The following GPHN variants were observed in gnomAD, a reference collection of about 807,000 sequenced individuals.
The protein encoded by GPHN is gephyrin.
In GPHN, 17 loss-of-function variants were observed where a neutral mutation model predicts 95.5. The observed-to-expected ratio is 0.18, with a 90% CI of 0.12 to 0.27. The LOEUF (loss-of-function observed/expected upper bound fraction) is 0.27. Ranked by LOEUF, GPHN falls within the 10% of genes least tolerant of loss-of-function variation. The pLI is 1.00. For missense variants in GPHN, 660 were observed against 978.1 expected (o/e 0.67, Z 4.34); for synonymous variants, 320 against 322.5 (o/e 0.99, Z 0.08).
intron 8 of GPHN, among the ~76,000 whole-genome samples, chr14:66,952,763 C>T (rs763174194): frequency 7.9e-5 from 12 of 152,102 alleles, no homozygotes; most frequent in South Asian, 2.1e-4. Flanking sequence ...GGCCCAATCT[C>T]GGCTCACTGC....
At chr14:66,912,641 T>C (rs180809663) in intron 5 of GPHN, among the ~76,000 whole-genome samples, 160 of 152,224 alleles carry the variant, frequency 1.1e-3, no homozygotes, top group Non-Finnish European at 1.0e-3. Flanking sequence ...GAAATAGTGC[T>C]TGGTAATATT....
At chr14:67,092,399 C>A (rs2077183715) in intron 12 of GPHN, among the ~76,000 whole-genome samples, 1 of 152,044 alleles carries the variant, frequency 6.6e-6, no homozygotes, top group African/African-American at 2.4e-5. Context: ...GTTCCTTTCT[C>A]CCTGCTCCCT....
chr14:67,696,753 T>TG, the GPHN span, among the ~76,000 whole-genome samples: 1 of 152,204 alleles, frequency 6.6e-6, no homozygotes, highest in South Asian at 2.1e-4. Context: ...GCCTATTTCC[T>TG]GGGGGTGAAA....
chr14:66,585,906 T>C (rs369333215), intron 1 of GPHN, among the ~76,000 whole-genome samples: 5 of 152,106 alleles, frequency 3.3e-5, no homozygotes, highest in Admixed American at 6.6e-5. Context: ...CTATTAGGTC[T>C]GCTTGGTGCA....
intron 1 of GPHN, among the ~76,000 whole-genome samples, chr14:66,515,440 C>T (rs989546692): frequency 3.7e-4 from 57 of 152,058 alleles, no homozygotes; most frequent in African/African-American, 1.2e-3. Flanking sequence ...ATATTTATAA[C>T]GATGTGTGTT....
At chr14:67,188,490 C>T in the GPHN span, among the ~76,000 whole-genome samples, 1 of 152,032 alleles carries the variant, frequency 6.6e-6, no homozygotes, top group African/African-American at 2.4e-5. Flanking sequence ...ATTTTCTGGC[C>T]CTTGGGCAGG....
intron 3 of GPHN, among the ~76,000 whole-genome samples, chr14:66,790,850 C>T (rs1369191691): frequency 6.6e-6 from 1 of 152,190 alleles, no homozygotes; most frequent in Non-Finnish European, 1.5e-5. Flanking sequence ...GAAGTTTCCC[C>T]CTTTGGGGAG....
At chr14:66,719,426 G>T (rs1330189238) in intron 2 of GPHN, among the ~76,000 whole-genome samples, 1 of 152,184 alleles carries the variant, frequency 6.6e-6, no homozygotes, top group Non-Finnish European at 1.5e-5. Flanking sequence ...GAGGATGTGT[G>T]TTCGGGGGCT....
the GPHN span, chr14:67,204,605 T>C: frequency 1.2e-6 from 2 of 1,613,762 alleles, no homozygotes; most frequent in Admixed American, 3.3e-5. Context: ...AAAGTAAAGC[T>C]GGTGAGTGGT....
intron 9 of GPHN, among the ~76,000 whole-genome samples, chr14:66,989,937 A>G (rs1008428464): frequency 3.3e-5 from 5 of 152,184 alleles, no homozygotes; most frequent in African/African-American, 1.2e-4. Flanking sequence ...AATTTATTGT[A>G]GGTGTACACA....
chr14:67,439,623 C>G, the GPHN span, among the ~76,000 whole-genome samples: 9 of 129,888 alleles, frequency 6.9e-5, no homozygotes, highest in Non-Finnish European at 3.0e-5. Context: ...GAATTACTCA[C>G]AAAAGTTTCA....
the GPHN span, chr14:67,729,321 G>T: frequency 2.5e-6 from 4 of 1,600,088 alleles, no homozygotes; most frequent in Non-Finnish European, 3.4e-6. Context: ...AGGGGGCGCA[G>T]ACCAGCCTGC....
chr14:67,660,141 A>G, the GPHN span: 1 of 475,372 alleles, frequency 2.1e-6, no homozygotes, highest in Non-Finnish European at 3.7e-6. Context: ...GAGTATATGA[A>G]CTGAATGAAT....
At chr14:66,571,165 A>C (rs1302328232) in intron 1 of GPHN, among the ~76,000 whole-genome samples, 1 of 152,174 alleles carries the variant, frequency 6.6e-6, no homozygotes, top group Non-Finnish European at 1.5e-5. Context: ...TCATGGCAGA[A>C]GGTAAAGGGG....
chr14:67,065,665 T>A (rs1323958484), intron 11 of GPHN, among the ~76,000 whole-genome samples: 1 of 152,098 alleles, frequency 6.6e-6, no homozygotes, highest in Non-Finnish European at 1.5e-5. Flanking sequence ...GCTGCATTGA[T>A]CCCTTTACCA....
At chr14:67,199,201 A>C in the GPHN span, 9 of 1,606,730 alleles carry the variant, frequency 5.6e-6, no homozygotes, top group Non-Finnish European at 7.7e-6. Context: ...ATGCCAAAGG[A>C]TAGAGTCACT....
the GPHN span, among the ~76,000 whole-genome samples, chr14:67,193,388 T>C: frequency 7.1e-6 from 1 of 140,730 alleles, no homozygotes; most frequent in Non-Finnish European, 1.5e-5. Context: ...TAGATATATC[T>C]AGATATATCT....
At chr14:66,540,765 A>C (rs537908451) in intron 1 of GPHN, among the ~76,000 whole-genome samples, 67 of 152,176 alleles carry the variant, frequency 4.4e-4, no homozygotes, top group African/African-American at 1.5e-3. Context: ...CTAAGTATAA[A>C]ATATTTTTAC....
At chr14:66,545,800 G>C (rs1216586428) in intron 1 of GPHN, among the ~76,000 whole-genome samples, 1 of 148,686 alleles carries the variant, frequency 6.7e-6, no homozygotes, top group Non-Finnish European at 1.5e-5. Context: ...TCACTTCCCA[G>C]TAGGGGCGGC....
Sources: allele counts gnomAD v4.1 joint callset (sites outside exome capture counted in the v4.1 genomes callset), GRCh38; gene constraint gnomAD v4.1.1; transcripts MANE v1.5; gene names NCBI Gene and HGNC (gene_info 2026-07-23, HGNC 2026-07-21).